ARHGAP39: variants seen among roughly 807,000 people sequenced by gnomAD.
The protein encoded by ARHGAP39 is Rho GTPase activating protein 39, also known as rho GTPase-activating protein 39.
A neutral mutation model predicts 106.9 loss-of-function variants in ARHGAP39; 44 were observed. That is an observed-to-expected ratio of 0.41 (90% confidence interval 0.32 to 0.53). The LOEUF (loss-of-function observed/expected upper bound fraction) is 0.53. ARHGAP39 is among the 20% of genes least tolerant of loss of function. The pLI is 0.21. For synonymous variants in ARHGAP39, 768 were observed against 693.2 expected, an observed-to-expected ratio of 1.11 and a Z score of -1.69; for missense variants, 1,496 against 1,577.3, an observed-to-expected ratio of 0.95 and a Z score of 0.87.
intron 1 of ARHGAP39, among the ~76,000 whole-genome samples, chr8:144,623,713 G>A (rs1240916935): frequency 6.6e-6 from 1 of 152,200 alleles, no homozygotes; most frequent in Non-Finnish European, 1.5e-5. Context: ...CACCATCCAG[G>A]GAGTGTCTCT....
intron 1 of ARHGAP39, among the ~76,000 whole-genome samples, chr8:144,608,799 C>T (rs931904101): frequency 5.3e-5 from 8 of 152,158 alleles, no homozygotes; most frequent in African/African-American, 1.4e-4. Flanking sequence ...AAATCTTGCA[C>T]ATATTAGTTA....
intron 3 of ARHGAP39, among the ~76,000 whole-genome samples, chr8:144,566,397 C>T (rs1358862446): frequency 1.3e-5 from 2 of 152,088 alleles, no homozygotes; most frequent in Non-Finnish European, 2.9e-5. Flanking sequence ...AACCCCATCT[C>T]TACCAAAAAT....
At chr8:144,669,499 T>C (rs1215937043) in intron 1 of ARHGAP39, among the ~76,000 whole-genome samples, 2 of 58,506 alleles carry the variant, frequency 3.4e-5, no homozygotes, top group African/African-American at 1.9e-4. Context: ...AGGGCGAGAC[T>C]CGGTCTCAAA....
At chr8:144,619,223 G>A (rs1009325093) in intron 1 of ARHGAP39, among the ~76,000 whole-genome samples, 2 of 152,242 alleles carry the variant, frequency 1.3e-5, no homozygotes, top group African/African-American at 4.8e-5. Flanking sequence ...TCCAGACAGG[G>A]TCTGCTGGGA....
At chr8:144,538,098 C>T (rs1048225602) in intron 6 of ARHGAP39, among the ~76,000 whole-genome samples, 7 of 152,262 alleles carry the variant, frequency 4.6e-5, no homozygotes, top group Admixed American at 2.0e-4. Flanking sequence ...ACAGGGAAGG[C>T]GCCTGGGGAG....
chr8:144,587,341 C>T (rs752569877), intron 2 of ARHGAP39, among the ~76,000 whole-genome samples: 2 of 152,106 alleles, frequency 1.3e-5, no homozygotes, highest in Non-Finnish European at 2.9e-5. Flanking sequence ...GATCTGGGTT[C>T]GGAGCCAGAA....
At chr8:144,624,255 G>A (rs748594949) in intron 1 of ARHGAP39, among the ~76,000 whole-genome samples, 6 of 152,252 alleles carry the variant, frequency 3.9e-5, no homozygotes, top group Non-Finnish European at 8.8e-5. Flanking sequence ...TGCACTAAGT[G>A]TAAAGCGTAC....
chr8:144,549,923 C>T (rs996985729), intron 4 of ARHGAP39, among the ~76,000 whole-genome samples: 7 of 152,188 alleles, frequency 4.6e-5, no homozygotes, highest in African/African-American at 1.7e-4. Context: ...CTTTTAAACG[C>T]ATTGTCTTAG....
intron 3 of ARHGAP39, among the ~76,000 whole-genome samples, chr8:144,569,657 G>A (rs1818517744): frequency 6.6e-6 from 1 of 152,234 alleles, no homozygotes; most frequent in African/African-American, 2.4e-5. Context: ...GAGGGGAACA[G>A]GAGGGCAAGG....
At chr8:144,593,137 G>A (rs1486909163) in intron 2 of ARHGAP39, among the ~76,000 whole-genome samples, 1 of 152,178 alleles carries the variant, frequency 6.6e-6, no homozygotes, top group African/African-American at 2.4e-5. Flanking sequence ...CTGTCAAGGC[G>A]GAACAACCTT....
chr8:144,595,707 G>A (rs958617392), intron 2 of ARHGAP39, among the ~76,000 whole-genome samples: 1 of 152,072 alleles, frequency 6.6e-6, no homozygotes, highest in African/African-American at 2.4e-5. Context: ...CAGGGTCCAC[G>A]ATGGCCATGG....
intron 1 of ARHGAP39, among the ~76,000 whole-genome samples, chr8:144,620,784 G>A (rs998832228): frequency 1.2e-4 from 19 of 152,370 alleles, no homozygotes; most frequent in Non-Finnish European, 1.8e-4. Context: ...CAGGACAGGC[G>A]CCTACGTGTG....
rs1379533446 is a variant in ARHGAP39, at chr8:144,645,140, C to T, written c.-81-39445G>A. Among the ~76,000 whole-genome samples, 1 of 152,240 alleles carries T rather than the reference C, an allele frequency of 6.6e-6. No homozygotes were observed. The highest frequency in any genetic ancestry group is 1.5e-5 in the Non-Finnish European group (1 of 68,036). ...AACAAGAAGTGGGTCCTAAGCCTGG[C>T]TCTGCACAGCTCCAAAACCCCATCC... On this transcript the variant is annotated intron_variant, in intron 1 of 11. Coordinates refer to ENST00000377307, the MANE Select transcript of ARHGAP39 (RefSeq NM_025251.3). The surrounding 1 kb of genome is among the most constrained non-coding windows in gnomAD (Gnocchi z 4.4).
At position 144,591,893 on chromosome 8, in the gene ARHGAP39, C is replaced by CTGCCTGTGGGGAGTGG. The variant is rs903489051; in HGVS notation, c.81-10632_81-10617dup. ...CGTCGCCTCGTGCCTGCGGGGAGTG[C>CTGCCTGTGGGGAGTGG]TGCCTGTGGGGAGTGGTGCCTGTGG... On this transcript the variant is annotated intron_variant, in intron 2 of 11. Transcript: ENST00000377307. The surrounding 1 kb of genome is among the most constrained non-coding windows in gnomAD (Gnocchi z 5.3). Among the ~76,000 whole-genome samples the CTGCCTGTGGGGAGTGG allele has an allele frequency of 2.6e-5, 4 of 152,008 alleles. No individual in the cohort carries two copies. Among genetic ancestry groups the CTGCCTGTGGGGAGTGG allele is most frequent in the Admixed American group, 1.3e-4 (2 of 15,270 alleles).
chr8:144,671,908 A>C lies in ARHGAP39; in HGVS notation c.-82+13778T>G, dbSNP rs1447334888. 6.6e-6 allele frequency among the ~76,000 whole-genome samples: 1 copy of C among 152,238 alleles called. No individual in the cohort carries two copies. Among genetic ancestry groups the C allele is most frequent in the Non-Finnish European group, 1.5e-5 (1 of 68,040 alleles). ...CGAGATGAGTGTGGGTGGGCCTGGC[A>C]AACACAAGACCAGGTGTGAGAGCCC... On this transcript the variant is annotated intron_variant, in intron 1 of 11. Coordinates refer to ENST00000377307, the MANE Select transcript of ARHGAP39 (RefSeq NM_025251.3). This position sits in a 1 kb window ranked among gnomAD's most constrained non-coding sequence, Gnocchi z 4.5.
In ARHGAP39 at chr8:144,685,695, G is replaced by A. The variant is rs1369154150; in HGVS notation, c.-91C>T. Among the ~76,000 whole-genome samples, 5 of 147,926 alleles carry A rather than the reference G, an allele frequency of 3.4e-5. No individual in the cohort carries two copies. The East Asian group carries it at 7.8e-4, about 23-fold the overall frequency. ...TTGCCCGCGCTCTCACCGGCCGGCT[G>A]CGCGCGGGCCGCGCCGCCACAGTCC... On this transcript the variant is annotated 5_prime_UTR_variant, in exon 1 of 12. The change creates a premature stop within an existing upstream ORF in the 5' untranslated region. Coordinates refer to ENST00000377307, the MANE Select transcript of ARHGAP39 (RefSeq NM_025251.3).
At chr8:144,618,096 C>T (rs985493908) in intron 1 of ARHGAP39, among the ~76,000 whole-genome samples, 3 of 152,108 alleles carry the variant, frequency 2.0e-5, no homozygotes, top group Non-Finnish European at 4.4e-5. Flanking sequence ...ATTCTATTTT[C>T]AATGGAATAG....
intron 1 of ARHGAP39, among the ~76,000 whole-genome samples, chr8:144,627,963 T>C (rs1286359329): frequency 6.6e-6 from 1 of 152,102 alleles, no homozygotes; most frequent in African/African-American, 2.4e-5. Flanking sequence ...CCGCCGCAAC[T>C]CAGACTCTGG....
At chr8:144,551,573 G>A (rs912058697) in intron 4 of ARHGAP39, among the ~76,000 whole-genome samples, 2 of 152,152 alleles carry the variant, frequency 1.3e-5, no homozygotes, top group South Asian at 2.1e-4. Context: ...CACGCCCCAC[G>A]GCGCCCAGAG....
Sources: gnomAD v4.1 joint callset for allele counts (sites outside exome capture counted in the v4.1 genomes callset) on GRCh38, gnomAD v4.1.1 for gene constraint, Gnocchi (gnomAD v3.1) non-coding constraint, MANE v1.5 for transcripts, NCBI Gene and HGNC (gene_info 2026-07-23, HGNC 2026-07-21) for gene names.